DBNDD1: variants seen among roughly 807,000 people sequenced by gnomAD.
DBNDD1 encodes the protein dysbindin domain containing 1, also known as dysbindin domain-containing protein 1.
In DBNDD1, 14 loss-of-function variants were observed where a neutral mutation model predicts 17.0. The ratio of observed to expected loss-of-function variants is 0.82; its 90% CI spans 0.54 to 1.29. The LOEUF is 1.29. DBNDD1 is among the 50% of genes most tolerant of loss of function. DBNDD1 has a pLI of 0.00. For missense variants in DBNDD1, 221 were observed against 216.2 expected, an observed-to-expected ratio of 1.02 and a Z score of -0.14; for synonymous variants, 105 against 102.0, an observed-to-expected ratio of 1.03 and a Z score of -0.18.
intron 1 of DBNDD1, among the ~76,000 whole-genome samples, chr16:90,012,780 T>A (rs1435613910): frequency 6.8e-6 from 1 of 146,028 alleles, no homozygotes; most frequent in Non-Finnish European, 1.5e-5. Flanking sequence ...AGAGACAAGG[T>A]CTCACTGTTG....
intron 1 of DBNDD1, among the ~76,000 whole-genome samples, chr16:90,012,088 G>A (rs973267656): frequency 3.3e-5 from 5 of 152,360 alleles, no homozygotes; most frequent in Admixed American, 6.5e-5. Flanking sequence ...TGCAGAGGGC[G>A]TAGCCCTGTC....
chr16:90,016,677 G>T (rs542289244), intron 1 of DBNDD1, among the ~76,000 whole-genome samples: 1 of 152,264 alleles, frequency 6.6e-6, no homozygotes, highest in South Asian at 2.1e-4. Context: ...GCTTCCCTGA[G>T]GGCTGATTGC....
At chr16:90,019,766 C>G, upstream of DBNDD1, 1 of 689,970 alleles carries the variant, frequency 1.4e-6, no homozygotes, top group Non-Finnish European at 2.6e-6. The surrounding 1 kb of genome is among the most constrained non-coding windows in gnomAD (Gnocchi z 6.1). Flanking sequence ...TGTTCTCTTC[C>G]AGGTACTTGC....
chr16:90,013,373 T>C (rs2035589625), intron 1 of DBNDD1, among the ~76,000 whole-genome samples: 1 of 150,972 alleles, frequency 6.6e-6, no homozygotes, highest in African/African-American at 2.4e-5. Flanking sequence ...CCCAGCTACA[T>C]GGGGAAGACT....
chr16:90,014,154 G>C (rs2035600364), intron 1 of DBNDD1, among the ~76,000 whole-genome samples: 1 of 151,170 alleles, frequency 6.6e-6, no homozygotes, highest in Non-Finnish European at 1.5e-5. Flanking sequence ...TTGAGATGGA[G>C]TCTCGCTCTG....
chr16:90,010,495 G>C (rs1300626578), intron 1 of DBNDD1, among the ~76,000 whole-genome samples: 1 of 148,464 alleles, frequency 6.7e-6, no homozygotes, highest in Non-Finnish European at 1.5e-5. Context: ...AGCCTCCTTA[G>C]TAGCTGGGAC....
chr16:90,017,312 A>G (rs2035656220), intron 1 of DBNDD1, among the ~76,000 whole-genome samples: 1 of 152,144 alleles, frequency 6.6e-6, no homozygotes, highest in African/African-American at 2.4e-5. Flanking sequence ...TGGCTAACAC[A>G]GTGAAACCCC....
At chr16:90,009,461 ATCCACAGGGCTCCCACATC>A (rs1381044795) in intron 1 of DBNDD1, 31 bp from the exon 2 acceptor site, 3 of 1,604,564 alleles carry the variant, frequency 1.9e-6, no homozygotes, top group African/African-American at 2.7e-5. Context: ...TCACCTTGAG[ATCCACAGGGCTCCCACATC>A]CCCCCAGGAC....
intron 1 of DBNDD1, 157 bp from the exon 2 acceptor site, chr16:90,009,587 T>C (rs942912117): frequency 6.1e-6 from 7 of 1,152,038 alleles, no homozygotes; most frequent in Non-Finnish European, 8.6e-6. Flanking sequence ...GCCTCATGCC[T>C]GGACCCAGAC....
In DBNDD1 at chr16:90,006,559, G is replaced by A. The variant is rs1360603599; in HGVS notation, c.320-67C>T. 5 of 1,542,522 alleles carry A rather than the reference G, an allele frequency of 3.2e-6. No individual in the cohort carries two copies. The East Asian group carries it at 1.2e-4, about 36-fold the overall frequency. On this transcript the variant is annotated intron_variant, in intron 3 of 3. Coordinates refer to ENST00000002501, the MANE Select transcript of DBNDD1 (RefSeq NM_001042610.3). The stretch of plus-strand genomic sequence containing the variant: ...CCTGGGTGGATGCTGCGGAGCTCCA[G>A]GTGCCGCCGGCCTCCTGCGCCACTC...
At chr16:90,014,579 C>T (rs114165074) in intron 1 of DBNDD1, among the ~76,000 whole-genome samples, 2 of 152,114 alleles carry the variant, frequency 1.3e-5, no homozygotes, top group African/African-American at 2.4e-5. Context: ...AGGGGGCATG[C>T]GAATGCCAGC....
At chr16:90,017,665 C>G (rs780944484) in intron 1 of DBNDD1, among the ~76,000 whole-genome samples, 1 of 152,214 alleles carries the variant, frequency 6.6e-6, no homozygotes, top group Non-Finnish European at 1.5e-5. Flanking sequence ...CCGCCGTTCT[C>G]TCTACTTTTG....
At chr16:90,019,806 C>T (rs941246656), upstream of DBNDD1, 6 of 688,678 alleles carry the variant, frequency 8.7e-6, no homozygotes, top group African/African-American at 3.6e-5. The surrounding 1 kb of genome is among the most constrained non-coding windows in gnomAD (Gnocchi z 6.1). Flanking sequence ...TGCGGGCGCC[C>T]CTCGGGGCTG....
intron 3 of DBNDD1, 126 bp from the exon 4 acceptor site, chr16:90,006,618 G>T: frequency 8.1e-7 from 1 of 1,232,350 alleles, no homozygotes; most frequent in Non-Finnish European, 1.1e-6. Flanking sequence ...CCTGCACCAG[G>T]CATGCACACA....
At chr16:90,009,901 C>T in intron 1 of DBNDD1, 3 of 1,559,670 alleles carry the variant, frequency 1.9e-6, no homozygotes, top group Non-Finnish European at 2.6e-6. Context: ...CTTTTAAAAA[C>T]TGATGTCGTA....
chr16:90,016,421 C>T (rs1285244660), intron 1 of DBNDD1, among the ~76,000 whole-genome samples: 5 of 152,282 alleles, frequency 3.3e-5, no homozygotes, highest in South Asian at 2.1e-4. Flanking sequence ...GGCATGGGGG[C>T]GGGTGCTGGC....
rs952734332 is a variant in DBNDD1, at chr16:90,010,153, C to T, written c.32-723G>A. The T allele has an allele frequency of 6.8e-6, 7 of 1,028,688 alleles. No homozygotes were observed. In the Admixed American group the frequency reaches 1.5e-4, roughly 21 times the overall value. 63.7% of individuals were successfully genotyped at this position (1,028,688 alleles called of 1,614,324 possible). A position where few individuals can be genotyped will look rare whatever the true frequency, so the allele number is the denominator to read the frequency against. On this transcript the variant is annotated intron_variant, in intron 1 of 3. Coordinates refer to ENST00000002501, the MANE Select transcript of DBNDD1 (RefSeq NM_001042610.3). ...CTCTGCCCCTTGGGTTTGAGCGATT[C>T]TCCTGCCTCATCCCCCTGAGTAGAT...
chr16:90,019,545 C>T (rs1349316231), upstream of DBNDD1: 4 of 160,018 alleles, frequency 2.5e-5, no homozygotes, highest in African/African-American at 9.7e-5. The surrounding 1 kb of genome is among the most constrained non-coding windows in gnomAD (Gnocchi z 6.1). Context: ...CCCGGCGCCC[C>T]CCCAGCCGCA....
chr16:90,009,233 G>T, intron 2 of DBNDD1, 51 bp downstream of exon 2: 1 of 1,604,112 alleles, frequency 6.2e-7, no homozygotes, highest in East Asian at 2.2e-5. Context: ...TGTCTCTTGG[G>T]GGAGCTCACG....
Sources: allele counts gnomAD v4.1 joint callset (sites outside exome capture counted in the v4.1 genomes callset), GRCh38; gene constraint gnomAD v4.1.1; non-coding constraint Gnocchi (gnomAD v3.1); transcripts MANE v1.5; gene names NCBI Gene and HGNC (gene_info 2026-07-23, HGNC 2026-07-21).